Variants in PDE1A observed in about 807,000 individuals in gnomAD.
The protein encoded by PDE1A is phosphodiesterase 1A, also known as dual specificity calcium/calmodulin-dependent 3',5'-cyclic nucleotide phosphodiesterase 1A.
A neutral mutation model predicts 61.7 loss-of-function variants in PDE1A; 35 were observed. The ratio of observed to expected loss-of-function variants is 0.57; its 90% CI spans 0.43 to 0.75. The LOEUF is 0.75. Ranked by LOEUF, PDE1A falls within the 30% of genes least tolerant of loss-of-function variation. The probability of loss-of-function intolerance (pLI) is 0.00; values close to 1 mark genes in which losing one functional copy is unlikely to be tolerated. For synonymous variants in PDE1A, 232 were observed against 213.2 expected (o/e 1.09, Z -0.77); for missense variants, 597 against 630.6 (o/e 0.95, Z 0.57).
chr2:182,633,243 G>C, the PDE1A span, among the ~76,000 whole-genome samples: 1 of 152,112 alleles, frequency 6.6e-6, no homozygotes, highest in Non-Finnish European at 1.5e-5. Context: ...ACGATTGCAT[G>C]GACAATCTGA....
chr2:182,486,539 C>T lies in PDE1A; in HGVS notation c.101+35737G>A, dbSNP rs181750833. ...TTGGAGGATTTACACTTTGAAGTTA[C>T]AAACTTACTATAAAGCTACAGTAAT... is the stretch of plus-strand genomic sequence containing the variant. On this transcript the variant is annotated intron_variant, in intron 2 of 14. Transcript: ENST00000410103. Among the ~76,000 whole-genome samples the T allele has an allele frequency of 4.7e-3, 714 of 152,084 alleles. 6 individuals carry two copies. Among genetic ancestry groups the T allele is most frequent in the Middle Eastern group, 0.027 (8 of 294 alleles).
chr2:182,200,937 G>A (rs1416523230), intron 10 of PDE1A, among the ~76,000 whole-genome samples: 6 of 152,274 alleles, frequency 3.9e-5, no homozygotes, highest in East Asian at 3.9e-4. Context: ...GGCAGAGAAC[G>A]CCAGTCACAA....
At chr2:182,290,140 A>T (rs1158294014) in intron 1 of PDE1A, among the ~76,000 whole-genome samples, 1 of 152,112 alleles carries the variant, frequency 6.6e-6, no homozygotes, top group Admixed American at 6.6e-5. Flanking sequence ...ATGCTCAGTG[A>T]TTGAGATCAT....
chr2:182,517,071 T>G (rs548900706), intron 2 of PDE1A, among the ~76,000 whole-genome samples: 1 of 152,272 alleles, frequency 6.6e-6, no homozygotes, highest in African/African-American at 2.4e-5. Flanking sequence ...GCCTGGGAAT[T>G]GAGTTTTAAG....
chr2:182,150,759 C>G (rs1690736522), intron 13 of PDE1A, among the ~76,000 whole-genome samples: 1 of 152,170 alleles, frequency 6.6e-6, no homozygotes, highest in Admixed American at 6.5e-5. Flanking sequence ...CCAAAACCAA[C>G]AGAAATCCTC....
At chr2:182,401,534 A>G (rs181328166) in intron 1 of PDE1A, among the ~76,000 whole-genome samples, 1 of 152,320 alleles carries the variant, frequency 6.6e-6, no homozygotes, top group African/African-American at 2.4e-5. Context: ...AAACATTAAG[A>G]GCTATTTATG....
At chr2:182,597,866 C>G in the PDE1A span, among the ~76,000 whole-genome samples, 2 of 152,182 alleles carry the variant, frequency 1.3e-5, no homozygotes, top group African/African-American at 4.8e-5. Flanking sequence ...TTTGGTCATT[C>G]AGCAGTTTGG....
intron 2 of PDE1A, among the ~76,000 whole-genome samples, chr2:182,503,054 C>CACACACACACACACACACACACACAT (rs1689184771): frequency 1.3e-5 from 1 of 75,146 alleles, no homozygotes; most frequent in African/African-American, 3.3e-5. Flanking sequence ...CACACACACA[C>CACACACACACACACACACACACACAT]ACACACACAC....
chr2:182,405,236 G>A (rs994119543), intron 1 of PDE1A, among the ~76,000 whole-genome samples: 5 of 152,052 alleles, frequency 3.3e-5, no homozygotes, highest in Non-Finnish European at 7.4e-5. Flanking sequence ...CCCTTCCCTA[G>A]GATAACATGA....
the PDE1A span, among the ~76,000 whole-genome samples, chr2:182,688,791 A>G: frequency 2.0e-5 from 3 of 152,174 alleles, no homozygotes; most frequent in African/African-American, 4.8e-5. Flanking sequence ...CCCATCTCAC[A>G]TGCAGAGACA....
chr2:182,523,550 A>C (rs1690678911), upstream of PDE1A, among the ~76,000 whole-genome samples: 1 of 152,122 alleles, frequency 6.6e-6, no homozygotes, highest in Non-Finnish European at 1.5e-5. Context: ...TTGTTTGAAA[A>C]CCCAGATGTA....
At chr2:182,560,545 G>C in the PDE1A span, among the ~76,000 whole-genome samples, 1 of 151,340 alleles carries the variant, frequency 6.6e-6, no homozygotes, top group Non-Finnish European at 1.5e-5. Context: ...TGTCTTTATA[G>C]CAGCATGATT....
chr2:182,701,525 C>T, the PDE1A span, among the ~76,000 whole-genome samples: 16 of 151,858 alleles, frequency 1.1e-4, no homozygotes, highest in East Asian at 2.1e-3. Flanking sequence ...GGATTACAGA[C>T]GCGCACCACC....
the PDE1A span, among the ~76,000 whole-genome samples, chr2:182,538,821 C>A: frequency 6.6e-6 from 1 of 152,114 alleles, no homozygotes; most frequent in Admixed American, 6.5e-5. Context: ...GTAAAAAGTA[C>A]TCATTCAGTA....
At chr2:182,181,691 G>A (rs1280962908) in intron 13 of PDE1A, among the ~76,000 whole-genome samples, 1 of 152,148 alleles carries the variant, frequency 6.6e-6, no homozygotes, top group Non-Finnish European at 1.5e-5. Flanking sequence ...CTCCCTTCAG[G>A]TGCTCTGTCC....
chr2:182,710,783 C>A, the PDE1A span, among the ~76,000 whole-genome samples: 8 of 152,130 alleles, frequency 5.3e-5, no homozygotes, highest in East Asian at 3.9e-4. Flanking sequence ...TGTCTTCATA[C>A]CTTGGCTCTT....
chr2:182,446,167 TG>T (rs938438498), intron 2 of PDE1A, among the ~76,000 whole-genome samples: 1 of 152,052 alleles, frequency 6.6e-6, no homozygotes, highest in African/African-American at 2.4e-5. Flanking sequence ...CAAAGCAAAG[TG>T]GTCAGCAATG....
In PDE1A at chr2:182,328,724, G is replaced by A. The variant is rs564252136; in HGVS notation, c.54-64310C>T. Among the ~76,000 whole-genome samples, 6 of 152,114 alleles carry A rather than the reference G, an allele frequency of 3.9e-5. 1 individual carries two copies. The South Asian group carries it at 1.2e-3, about 32-fold the overall frequency. ...AGAAAATCTAGAATGAGGAGATCAAGGAACTGAAAGGCCAGAGTTCCATGG... is the reference window on the plus strand; with the variant it reads ...AGAAAATCTAGAATGAGGAGATCAAAGAACTGAAAGGCCAGAGTTCCATGG... On this transcript the variant is annotated intron_variant, in intron 1 of 13. Transcript: ENST00000351439.
chr2:182,243,927 G>T (rs1574129107), intron 2 of PDE1A, among the ~76,000 whole-genome samples: 1 of 152,278 alleles, frequency 6.6e-6, no homozygotes, highest in South Asian at 2.1e-4. Context: ...GAGTGCAATG[G>T]TGCGATCTCG....
Sources: allele counts gnomAD v4.1 joint callset (sites outside exome capture counted in the v4.1 genomes callset), GRCh38; gene constraint gnomAD v4.1.1; transcripts MANE v1.5; gene names NCBI Gene and HGNC (gene_info 2026-07-23, HGNC 2026-07-21).